Variants in RAD17 observed in about 807,000 individuals in gnomAD.
The protein encoded by RAD17 is RAD17 checkpoint clamp loader component, also known as cell cycle checkpoint protein RAD17.
RAD17 carries 31 observed loss-of-function variants against 81.5 expected under a neutral mutation model. The ratio of observed to expected loss-of-function variants is 0.38; its 90% CI spans 0.29 to 0.51. The LOEUF (loss-of-function observed/expected upper bound fraction) is 0.51. Ranked by LOEUF, RAD17 falls within the 20% of genes least tolerant of loss-of-function variation. The pLI, the probability that RAD17 is intolerant of heterozygous loss-of-function variation, is 0.88. For missense variants in RAD17, 681 were observed against 781.2 expected, an observed-to-expected ratio of 0.87 and a Z score of 1.53; for synonymous variants, 261 against 266.2, an observed-to-expected ratio of 0.98 and a Z score of 0.19.
chr5:69,386,543 G>C, intron 11 of RAD17, 78 bp downstream of exon 11: 1 of 1,337,748 alleles, frequency 7.5e-7, no homozygotes, highest in South Asian at 2.5e-5. Context: ...AACTGAAGGA[G>C]TGTTATTTTA....
At position 69,369,924 on chromosome 5, in the gene RAD17, C is replaced by T. The variant is rs879219239; in HGVS notation, c.-426C>T. On this transcript the variant is annotated 5_prime_UTR_variant, in exon 1 of 19. Transcript: ENST00000354868. ...GCTCTTCGCCTAAAAGGGGATGCAG[C>T]TCCGGGAAAGTAAGGCCGCCGCGGT... The T allele has an allele frequency of 5.3e-6, 3 of 564,558 alleles. No homozygotes were observed. The South Asian group carries it at 7.0e-5, about 13-fold the overall frequency. 35.0% of individuals were successfully genotyped at this position (564,558 alleles called of 1,614,324 possible).
chr5:69,411,947 G>T (rs939670853), intron 18 of RAD17, among the ~76,000 whole-genome samples: 1 of 152,086 alleles, frequency 6.6e-6, no homozygotes, highest in Admixed American at 6.6e-5. Context: ...TGACTTGAGA[G>T]GCAGTATTTT....
chr5:69,393,420 G>A lies in RAD17; in HGVS notation c.1342G>A (p.Asp448Asn). The change falls in exon 15 of 19, where the codon GAT becomes AAT. Residue 448 changes from aspartate to asparagine, a missense_variant. Physicochemically the swap from Asp to Asn is conservative, Grantham distance 23 (BLOSUM62 1). Coordinates refer to ENST00000354868, the MANE Select transcript of RAD17 (RefSeq NM_133338.3). ...TTTATATCTTCACCAAAACTACATAGATTTCTTCATGGAAATTGATGATAT... is the reference window on the plus strand; with the variant it reads ...TTTATATCTTCACCAAAACTACATAAATTTCTTCATGGAAATTGATGATAT... ...FNLYLHQNYIDFFMEIDDIVR... is the reference protein window; with the variant it reads ...FNLYLHQNYINFFMEIDDIVR... 1 of 1,607,416 alleles carries A rather than the reference G, an allele frequency of 6.2e-7. No individual in the cohort carries two copies. Among genetic ancestry groups the A allele is most frequent in the Non-Finnish European group, 8.5e-7 (1 of 1,175,622 alleles).
intron 16 of RAD17, 24 bp from the exon 17 acceptor site, chr5:69,400,025 C>CTTTTTT: frequency 7.6e-7 from 1 of 1,313,126 alleles, no homozygotes; most frequent in Non-Finnish European, 1.0e-6. Context: ...TTCCTTTCAT[C>CTTTTTT]TTTTTTTTTT....
chr5:69,400,276 G>GAGCCGAGATCGTGCCACC, intron 17 of RAD17, 107 bp downstream of exon 17: 2 of 776,716 alleles, frequency 2.6e-6, no homozygotes, highest in Non-Finnish European at 1.7e-6. Context: ...GGATTGCGGT[G>GAGCCGAGATCGTGCCACC]GCACGATCTC....
chr5:69,394,543 C>T (rs1258792502), intron 15 of RAD17, among the ~76,000 whole-genome samples: 1 of 152,058 alleles, frequency 6.6e-6, no homozygotes, highest in Non-Finnish European at 1.5e-5. Flanking sequence ...AACATCTTAA[C>T]ACTGCCCTTA....
rs148563193 is a variant in RAD17, at chr5:69,396,412, A to G, written c.1438A>G (p.Arg480Gly). The G allele has an allele frequency of 1.2e-6, 2 of 1,610,888 alleles. No individual in the cohort carries two copies. Among genetic ancestry groups the G allele is most frequent in the Non-Finnish European group, 1.7e-6 (2 of 1,178,366 alleles). ...CATTTGTTAGACACGCTCTTTACTC[A>G]GGGAATATAGCACATCTATAGCTAC... ...SGDWNTRSLL[R>G]EYSTSIATRG... Residue 480 changes from arginine to glycine, a missense_variant, in exon 16 of 19, where the codon AGG becomes GGG. Coordinates refer to ENST00000354868, the MANE Select transcript of RAD17 (RefSeq NM_133338.3).
intron 16 of RAD17, 100 bp from the exon 17 acceptor site, chr5:69,399,949 A>C (rs1463417206): frequency 1.3e-6 from 1 of 749,224 alleles, no homozygotes; most frequent in Non-Finnish European, 2.0e-6. Context: ...AGTTAATATA[A>C]ACTTATTGTG....
At chr5:69,372,741 A>T (rs748908741) in intron 4 of RAD17, among the ~76,000 whole-genome samples, 1 of 151,980 alleles carries the variant, frequency 6.6e-6, no homozygotes, top group Non-Finnish European at 1.5e-5. Context: ...CCCCCCAAGT[A>T]GCTGGGAATA....
rs1176304338 is a variant in RAD17, at chr5:69,389,115, A to G, written c.976A>G (p.Ile326Val). Reference sequence around the variant, plus strand: ...ATGTTCTGGTGATATCAGAAGTGCAATAAACAGCCTCCAGTTTTCTTCTTC... The same window carrying G: ...ATGTTCTGGTGATATCAGAAGTGCAGTAAACAGCCTCCAGTTTTCTTCTTC... ...QGCSGDIRSAINSLQFSSSKG... is the reference protein window; with the variant it reads ...QGCSGDIRSAVNSLQFSSSKG... Residue 326 changes from isoleucine to valine, a missense_variant, in exon 12 of 19, where the codon ATA (isoleucine) becomes GTA (valine). Ile to Val is a conservative substitution (Grantham distance 29). Transcript: ENST00000354868. The G allele has an allele frequency of 2.5e-6, 4 of 1,587,882 alleles. No homozygotes were observed. Among genetic ancestry groups the G allele is most frequent in the Non-Finnish European group, 3.4e-6 (4 of 1,166,698 alleles).
At chr5:69,398,622 A>G (rs1320020112) in intron 16 of RAD17, among the ~76,000 whole-genome samples, 4 of 152,008 alleles carry the variant, frequency 2.6e-5, no homozygotes, top group Non-Finnish European at 5.9e-5. Context: ...CCTGACTAAC[A>G]TGGTGAAACC....
At chr5:69,410,770 A>G (rs1454011459) in intron 18 of RAD17, among the ~76,000 whole-genome samples, 3 of 152,022 alleles carry the variant, frequency 2.0e-5, no homozygotes, top group Non-Finnish European at 2.9e-5. Context: ...GAAGCATGGA[A>G]TCACAAAGGC....
intron 18 of RAD17, among the ~76,000 whole-genome samples, chr5:69,412,954 T>G: frequency 6.7e-6 from 1 of 149,148 alleles, no homozygotes; most frequent in East Asian, 2.0e-4. Flanking sequence ...GCTACTGCCC[T>G]GTAGCCTGGG....
At chr5:69,393,080 A>T (rs1355024438) in intron 13 of RAD17, 75 bp from the exon 14 acceptor site, 2 of 984,930 alleles carry the variant, frequency 2.0e-6, no homozygotes, top group Non-Finnish European at 3.0e-6. Flanking sequence ...TAAAATTTTC[A>T]AACTCTTCAA....
chr5:69,386,535 C>T lies in RAD17; in HGVS notation c.894+70C>T, dbSNP rs17229929. The T allele has an allele frequency of 6.3e-4, 875 of 1,380,202 alleles. 12 individuals are homozygous for T. The South Asian group carries it at 0.017, about 27-fold the overall frequency. The allele number at this position is 1,380,202 out of a possible 1,614,324, so 85.5% of individuals were successfully genotyped here. The stretch of plus-strand genomic sequence containing the variant: ...CCTAGCTTAAATAGTATTATGTAAA[C>T]TGAAGGAGTGTTATTTTAATTTTTT... On this transcript the variant is annotated intron_variant, in intron 11 of 18. Transcript: ENST00000354868.
Position 69,389,147 on chromosome 5 carries a change from T to C in RAD17, c.1006+2T>C. 1 of 1,555,476 alleles carries C rather than the reference T, an allele frequency of 6.4e-7. No homozygotes were observed. The highest frequency in any genetic ancestry group is 8.7e-7 in the Non-Finnish European group (1 of 1,142,924). ...GCCTCCAGTTTTCTTCTTCAAAAGGTAACTATGGAAGATACAGTCATGTGG... is the reference window on the plus strand; with the variant it reads ...GCCTCCAGTTTTCTTCTTCAAAAGGCAACTATGGAAGATACAGTCATGTGG... On this transcript the variant is annotated splice_donor_variant, in intron 12 of 18. Coordinates refer to ENST00000354868, the MANE Select transcript of RAD17 (RefSeq NM_133338.3). LOFTEE classifies it high-confidence loss of function.
At chr5:69,387,538 G>A (rs1031759779) in intron 11 of RAD17, among the ~76,000 whole-genome samples, 1 of 152,086 alleles carries the variant, frequency 6.6e-6, no homozygotes, top group Non-Finnish European at 1.5e-5. Flanking sequence ...TTACTGTGAT[G>A]AATTATTATG....
rs1561239019 is a variant in RAD17 at position 69,377,487 on chromosome 5, A to ATATATACGTATATATATG, written c.351+2782_351+2783insCGTATATATATGTATATA. Among the ~76,000 whole-genome samples the ATATATACGTATATATATG allele has an allele frequency of 1.6e-4, 7 of 44,124 alleles. No homozygotes were observed. In the East Asian group the frequency reaches 3.0e-3, roughly 19 times the overall value. The allele number at this position is 44,124 out of a possible 152,430, so 28.9% of individuals were successfully genotyped here. A position where few individuals can be genotyped will look rare whatever the true frequency, so the allele number is the denominator to read the frequency against. ...TATATATATATATACACACACACAC[A>ATATATACGTATATATATG]TATATATACGTATATATATGTATAT... is the stretch of plus-strand genomic sequence containing the variant. On this transcript the variant is annotated intron_variant, in intron 6 of 18. Transcript: ENST00000354868.
intron 17 of RAD17, among the ~76,000 whole-genome samples, chr5:69,403,015 A>C (rs1765370166): frequency 6.6e-6 from 1 of 152,110 alleles, no homozygotes; most frequent in Non-Finnish European, 1.5e-5. Flanking sequence ...AATTATTTTT[A>C]ATTAATAGAG....
Sources: gnomAD v4.1 joint callset for allele counts (sites outside exome capture counted in the v4.1 genomes callset) on GRCh38, gnomAD v4.1.1 for gene constraint, MANE v1.5 for transcripts, NCBI Gene and HGNC (gene_info 2026-07-23, HGNC 2026-07-21) for gene names.